Variants in FBN1 observed in about 807,000 individuals in gnomAD.
FBN1 encodes fibrillin-1.
In FBN1, 29 loss-of-function variants were observed where a neutral mutation model predicts 365.1. The ratio of observed to expected loss-of-function variants is 0.08; its 90% CI spans 0.06 to 0.11. FBN1 has a LOEUF of 0.11. Among genes scored for constraint, FBN1 ranks in the 10% least tolerant of loss-of-function variants. The probability of loss-of-function intolerance (pLI) is 1.00; values close to 1 mark genes in which losing one functional copy is unlikely to be tolerated. For synonymous variants in FBN1, 1,210 were observed against 1,270.5 expected (o/e 0.95, Z 1.01); for missense variants, 2,476 against 3,703.2 (o/e 0.67, Z 8.60).
rs1018336346 is a variant in FBN1 at position 48,474,459 on chromosome 15, T to C, written c.4087+69A>G. On this transcript the variant is annotated intron_variant, in intron 33 of 65. Coordinates refer to ENST00000316623, the MANE Select transcript of FBN1 (RefSeq NM_000138.5). ...ATACACAAATTAAAATAACTTTACA[T>C]AATTAATATTTTCATATGTGTAATC... 2.5e-6 allele frequency: 4 copies of C among 1,612,046 alleles called. No individual in the cohort carries two copies. In the African/African-American group the frequency reaches 5.3e-5, roughly 22 times the overall value.
At chr15:48,630,649 G>A (rs1889966983) in intron 2 of FBN1, among the ~76,000 whole-genome samples, 1 of 145,140 alleles carries the variant, frequency 6.9e-6, no homozygotes, top group Non-Finnish European at 1.5e-5. Context: ...AGTCGGTAGA[G>A]CACAGAAAAT....
intron 12 of FBN1, among the ~76,000 whole-genome samples, chr15:48,514,431 G>T (rs867649864): frequency 2.0e-5 from 3 of 152,048 alleles, no homozygotes; most frequent in South Asian, 2.1e-4. Context: ...TAAATAGTTT[G>T]GGAAAGTAAG....
chr15:48,522,984 G>A (rs1470388505), intron 9 of FBN1, among the ~76,000 whole-genome samples: 1 of 152,190 alleles, frequency 6.6e-6, no homozygotes, highest in African/African-American at 2.4e-5. Flanking sequence ...AGACAAGTAT[G>A]CTCTCTGTGA....
chr15:48,605,870 G>A lies in FBN1; in HGVS notation c.346+4858C>T, dbSNP rs113222339. On this transcript the variant is annotated intron_variant, in intron 4 of 65. Transcript: ENST00000316623. ...AACCTGGGTGACAGAGTAAGACCCC[G>A]TCTAAAAAAATTATTTTAATGAAAA... Among the ~76,000 whole-genome samples the A allele has an allele frequency of 2.6e-4, 40 of 152,120 alleles. 2 individuals carry two copies. In the East Asian group the frequency reaches 5.8e-3, roughly 22 times the overall value.
rs1043189894 is a variant in FBN1, at chr15:48,487,538, C to T, written c.3338-101G>A. 7.9e-6 allele frequency: 12 copies of T among 1,522,442 alleles called. No individual in the cohort carries two copies. In the African/African-American group the frequency reaches 1.6e-4, roughly 21 times the overall value. 94.3% of individuals were successfully genotyped at this position (1,522,442 alleles called of 1,614,324 possible). A position where few individuals can be genotyped will look rare whatever the true frequency, so the allele number is the denominator to read the frequency against. ...ATTGCTGGGTGTCCATCTTGACCTCCTTGTCTCAAGGTGGGACAACTCTCT... is the reference window on the plus strand; with the variant it reads ...ATTGCTGGGTGTCCATCTTGACCTCTTTGTCTCAAGGTGGGACAACTCTCT... On this transcript the variant is annotated intron_variant, in intron 27 of 65. Transcript: ENST00000316623.
chr15:48,594,861 T>G (rs550296420), intron 6 of FBN1, among the ~76,000 whole-genome samples: 34 of 152,310 alleles, frequency 2.2e-4, no homozygotes, highest in African/African-American at 7.7e-4. Flanking sequence ...AAGCTACACA[T>G]TAACAATTTT....
At chr15:48,548,541 G>T (rs2044114672) in intron 6 of FBN1, among the ~76,000 whole-genome samples, 1 of 152,158 alleles carries the variant, frequency 6.6e-6, no homozygotes, top group African/African-American at 2.4e-5. Flanking sequence ...AGTTGCTCCT[G>T]AGACTATAAG....
At chr15:48,527,242 G>T (rs768457603) in intron 8 of FBN1, among the ~76,000 whole-genome samples, 10 of 152,246 alleles carry the variant, frequency 6.6e-5, no homozygotes, top group Non-Finnish European at 1.2e-4. Context: ...GACACCACTG[G>T]TTCCCATCAA....
intron 6 of FBN1, among the ~76,000 whole-genome samples, chr15:48,539,089 T>C (rs1487640517): frequency 2.6e-5 from 4 of 152,192 alleles, no homozygotes; most frequent in Non-Finnish European, 5.9e-5. Flanking sequence ...CTGAATCTTA[T>C]CTGCTGGCAT....
intron 49 of FBN1, among the ~76,000 whole-genome samples, chr15:48,442,135 T>C (rs2043120611): frequency 6.6e-6 from 1 of 152,154 alleles, no homozygotes; most frequent in Non-Finnish European, 1.5e-5. Flanking sequence ...ACTAGAAAAG[T>C]CAGAGTAATT....
chr15:48,499,234 C>T (rs534829225), intron 17 of FBN1, among the ~76,000 whole-genome samples, 196 bp from the exon 18 acceptor site: 1 of 152,314 alleles, frequency 6.6e-6, no homozygotes, highest in East Asian at 1.9e-4. Flanking sequence ...TCAAGGAAAA[C>T]AACTTTTAAG....
chr15:48,472,406 T>A, intron 35 of FBN1, 145 bp downstream of exon 35: 3 of 1,126,690 alleles, frequency 2.7e-6, no homozygotes, highest in Middle Eastern at 2.0e-4. Context: ...ACCTAATCCC[T>A]CTACAAACTG....
At chr15:48,508,765 A>G in intron 14 of FBN1, 61 bp from the exon 15 acceptor site, 2 of 1,584,904 alleles carry the variant, frequency 1.3e-6, no homozygotes, top group Non-Finnish European at 1.7e-6. Flanking sequence ...AAGGAAACCA[A>G]TCTGGATGAA....
At chr15:48,623,601 T>C (rs181480595) in intron 2 of FBN1, among the ~76,000 whole-genome samples, 141 of 152,364 alleles carry the variant, frequency 9.3e-4, no homozygotes, top group Non-Finnish European at 1.3e-3. Flanking sequence ...TGCATTTTAT[T>C]ATGGCAGATT....
chr15:48,490,012 C>T lies in FBN1; in HGVS notation c.2921G>A (p.Arg974His), dbSNP rs763094223. The T allele has an allele frequency of 1.2e-5, 19 of 1,613,980 alleles. No homozygotes were observed. In the African/African-American group the frequency reaches 1.2e-4, roughly 10 times the overall value. ...GCAGCAGCAGGCGTCCATGCGGTGG[C>T]GGCCAGCAATAGGCAGGGTGCACTC... Reference protein sequence around the residue: ...DEECTLPIAGRHRMDACCCSV... With the variant: ...DEECTLPIAGHHRMDACCCSV... Residue 974 changes from arginine to histidine, a missense_variant, in exon 25 of 66, where the codon CGC (arginine) becomes CAC (histidine). Transcript: ENST00000316623.
At chr15:48,474,418 G>C in intron 33 of FBN1, 41 bp from the exon 34 acceptor site, 1 of 1,613,410 alleles carries the variant, frequency 6.2e-7, no homozygotes, top group Non-Finnish European at 8.5e-7. Context: ...AGAAAGGGTG[G>C]TATTTAAAAC....
At chr15:48,435,780 G>GTGTA (rs2043066566) in intron 53 of FBN1, among the ~76,000 whole-genome samples, 1 of 77,508 alleles carries the variant, frequency 1.3e-5, no homozygotes, top group Non-Finnish European at 3.9e-5. Flanking sequence ...ATATGTGTGT[G>GTGTA]TGTGTGTGTG....
chr15:48,578,623 T>C (rs147536546), intron 6 of FBN1, among the ~76,000 whole-genome samples: 4,516 of 151,820 alleles, frequency 0.03, 97 homozygotes, highest in Non-Finnish European at 0.041. Flanking sequence ...CCAACAATGA[T>C]AGACTGAATT....
chr15:48,625,565 T>C (rs1889860300), intron 2 of FBN1, among the ~76,000 whole-genome samples: 1 of 152,164 alleles, frequency 6.6e-6, no homozygotes, highest in South Asian at 2.1e-4. Context: ...CACAGGTCCA[T>C]GAATCAGAGA....
Sources: allele counts gnomAD v4.1 joint callset (sites outside exome capture counted in the v4.1 genomes callset), GRCh38; gene constraint gnomAD v4.1.1; transcripts MANE v1.5; gene names NCBI Gene and HGNC (gene_info 2026-07-23, HGNC 2026-07-21).